The following GLCE variants were observed in gnomAD, a reference collection of about 807,000 sequenced individuals.
The protein encoded by GLCE is glucuronic acid epimerase, also known as D-glucuronyl C5-epimerase.
A neutral mutation model predicts 47.9 loss-of-function variants in GLCE; 19 were observed. The ratio of observed to expected loss-of-function variants is 0.40; its 90% CI spans 0.28 to 0.58. GLCE has a LOEUF of 0.58. Ranked by LOEUF, GLCE falls within the 20% of genes least tolerant of loss-of-function variation. GLCE has a pLI of 0.48. For synonymous variants in GLCE, 245 were observed against 263.4 expected (o/e 0.93, Z 0.68); for missense variants, 556 against 743.3 (o/e 0.75, Z 2.93).
At chr15:69,255,723 A>G (rs1566970375) in intron 2 of GLCE, 71 bp from the exon 3 acceptor site, 2 of 908,382 alleles carry the variant, frequency 2.2e-6, no homozygotes, top group East Asian at 2.5e-5. Context: ...AAAAAAAAGC[A>G]AAGAAAACTT....
At chr15:69,227,264 C>T (rs1460075683) in intron 2 of GLCE, among the ~76,000 whole-genome samples, 1 of 152,064 alleles carries the variant, frequency 6.6e-6, no homozygotes, top group African/African-American at 2.4e-5. Flanking sequence ...GTAGATTATC[C>T]TGACTAACTA....
intron 3 of GLCE, among the ~76,000 whole-genome samples, chr15:69,259,146 G>A (rs980410898): frequency 6.6e-6 from 1 of 152,138 alleles, no homozygotes; most frequent in Non-Finnish European, 1.5e-5. Flanking sequence ...AGTGAGGTCA[G>A]ATATCTTTTT....
chr15:69,200,408 T>C (rs758107805), intron 1 of GLCE, among the ~76,000 whole-genome samples: 1 of 152,206 alleles, frequency 6.6e-6, no homozygotes, highest in African/African-American at 2.4e-5. Flanking sequence ...GCAAGGCATA[T>C]GAAATTTGCA....
At chr15:69,197,165 T>C in intron 1 of GLCE, 1 of 404,532 alleles carries the variant, frequency 2.5e-6, no homozygotes, top group Non-Finnish European at 5.0e-6. Context: ...TGCCTGACAA[T>C]GCGTCGCACA....
chr15:69,217,548 A>G (rs2052323399), intron 2 of GLCE, among the ~76,000 whole-genome samples: 1 of 152,112 alleles, frequency 6.6e-6, no homozygotes, highest in African/African-American at 2.4e-5. Context: ...GAACTTTGTG[A>G]CTTCAATTGA....
At chr15:69,176,505 T>C (rs2051667337) in intron 1 of GLCE, among the ~76,000 whole-genome samples, 2 of 152,068 alleles carry the variant, frequency 1.3e-5, no homozygotes, top group Non-Finnish European at 2.9e-5. Context: ...ATTACAGGCA[T>C]GCGTCAGCCA....
At chr15:69,189,680 T>G (rs2051884636) in intron 1 of GLCE, among the ~76,000 whole-genome samples, 1 of 152,198 alleles carries the variant, frequency 6.6e-6, no homozygotes. Context: ...TTGACTTTTT[T>G]CTATTTCTTT....
At chr15:69,197,304 C>T (rs577367403) in intron 1 of GLCE, 38 of 287,522 alleles carry the variant, frequency 1.3e-4, no homozygotes, top group Non-Finnish European at 2.5e-4. Context: ...GAAGATGTTT[C>T]CACAACCAGA....
At chr15:69,267,360 T>C (rs1015162166) in intron 4 of GLCE, among the ~76,000 whole-genome samples, 2 of 152,168 alleles carry the variant, frequency 1.3e-5, no homozygotes, top group African/African-American at 4.8e-5. Flanking sequence ...AAACTGAGGC[T>C]CAAAGAGGTG....
chr15:69,170,598 T>C (rs958895277), intron 1 of GLCE, among the ~76,000 whole-genome samples: 1 of 152,226 alleles, frequency 6.6e-6, no homozygotes, highest in Non-Finnish European at 1.5e-5. Flanking sequence ...TGTGTATATA[T>C]GCCAAAACAT....
At chr15:69,180,185 G>T (rs2051731309) in intron 1 of GLCE, among the ~76,000 whole-genome samples, 1 of 152,124 alleles carries the variant, frequency 6.6e-6, no homozygotes, top group Non-Finnish European at 1.5e-5. Context: ...TTGAGAGAAA[G>T]ATTTTTTTAG....
intron 1 of GLCE, among the ~76,000 whole-genome samples, chr15:69,180,257 T>C (rs1012625154): frequency 2.6e-5 from 4 of 152,192 alleles, no homozygotes; most frequent in Non-Finnish European, 4.4e-5. Context: ...GAAGGAGGGC[T>C]ATGATTTTAT....
chr15:69,267,487 C>G (rs957850170), intron 4 of GLCE, among the ~76,000 whole-genome samples: 2 of 152,154 alleles, frequency 1.3e-5, no homozygotes, highest in Non-Finnish European at 2.9e-5. Flanking sequence ...TTTTGTTGTA[C>G]ACATGAGCCC....
rs2053142807 is a variant in GLCE at position 69,269,909 on chromosome 15, G to A, written c.*665G>A. ...TGTAAGCACAACTAAAATGAAACTT[G>A]TTGACTGCACAAGAAATTACAAAAA... On this transcript the variant is annotated 3_prime_UTR_variant, in exon 5 of 5. Transcript: ENST00000261858. 6.6e-6 allele frequency: 1 copy of A among 152,604 alleles called. No homozygotes were observed. Among genetic ancestry groups the A allele is most frequent in the Non-Finnish European group, 1.5e-5 (1 of 68,040 alleles). 9.5% of individuals were successfully genotyped at this position (152,604 alleles called of 1,614,324 possible). A position where few individuals can be genotyped will look rare whatever the true frequency, so the allele number is the denominator to read the frequency against.
intron 1 of GLCE, among the ~76,000 whole-genome samples, chr15:69,203,322 C>T (rs2052101832): frequency 6.6e-6 from 1 of 152,170 alleles, no homozygotes; most frequent in Admixed American, 6.5e-5. Context: ...ATAGTAGTGA[C>T]TTAAACACAC....
intron 2 of GLCE, among the ~76,000 whole-genome samples, chr15:69,222,251 C>T (rs957624937): frequency 3.9e-5 from 6 of 152,132 alleles, no homozygotes; most frequent in African/African-American, 9.7e-5. Flanking sequence ...TATGGCAGCA[C>T]GGGTCCATGG....
intron 1 of GLCE, among the ~76,000 whole-genome samples, chr15:69,161,209 C>A (rs956695299): frequency 7.3e-5 from 11 of 151,718 alleles, no homozygotes; most frequent in Non-Finnish European, 1.6e-4. Flanking sequence ...CCGGTGTAAA[C>A]CTTGTCTCTG....
chr15:69,180,341 A>G (rs2051733324), intron 1 of GLCE, among the ~76,000 whole-genome samples: 1 of 152,214 alleles, frequency 6.6e-6, no homozygotes, highest in Non-Finnish European at 1.5e-5. Flanking sequence ...TGAACAAAAC[A>G]GACAAAAATC....
intron 1 of GLCE, among the ~76,000 whole-genome samples, chr15:69,168,563 C>T (rs2051539480): frequency 6.7e-6 from 1 of 148,160 alleles, no homozygotes. Context: ...GACGGAGTTT[C>T]GCTTCTGTTG....
Sources: gnomAD v4.1 joint callset for allele counts (sites outside exome capture counted in the v4.1 genomes callset) on GRCh38, gnomAD v4.1.1 for gene constraint, MANE v1.5 for transcripts, NCBI Gene and HGNC (gene_info 2026-07-23, HGNC 2026-07-21) for gene names.